CPZ: variants seen among roughly 807,000 people sequenced by gnomAD.
The protein encoded by CPZ is VEZT/CPZ fusion.
A neutral mutation model predicts 61.8 loss-of-function variants in CPZ; 103 were observed. The ratio of observed to expected loss-of-function variants is 1.67; its 90% CI spans 1.42 to 1.96. The LOEUF (loss-of-function observed/expected upper bound fraction) is 1.96, where lower values mean the gene tolerates loss of function less well. CPZ is among the 30% of genes most tolerant of loss of function. CPZ has a pLI of 0.00. For missense variants in CPZ, 1,461 were observed against 914.9 expected, an observed-to-expected ratio of 1.60 and a Z score of -7.70; for synonymous variants, 551 against 373.7, an observed-to-expected ratio of 1.47 and a Z score of -5.47.
At chr4:8,606,670 A>C in intron 5 of CPZ, 67 bp from the exon 6 acceptor site, 1 of 1,594,334 alleles carries the variant, frequency 6.3e-7, no homozygotes, top group Non-Finnish European at 8.6e-7. Context: ...CCAGCGTGAG[A>C]CCCATCTGGA....
At chr4:8,609,217 C>CACTCCCTCACTCACTCACTCATTG (rs1553877680) in intron 7 of CPZ, among the ~76,000 whole-genome samples, 1 of 138,160 alleles carries the variant, frequency 7.2e-6, no homozygotes, top group East Asian at 2.2e-4. Context: ...CTTACTCATT[C>CACTCCCTCACTCACTCACTCATTG]ACTTACTCAC....
At chr4:8,613,802 C>T (rs986999279) in intron 8 of CPZ, among the ~76,000 whole-genome samples, 4 of 152,330 alleles carry the variant, frequency 2.6e-5, no homozygotes, top group Admixed American at 1.3e-4. Flanking sequence ...AGCCTGGGCC[C>T]GTGGTCTCCC....
At chr4:8,610,310 A>C (rs2109335440) in intron 7 of CPZ, among the ~76,000 whole-genome samples, 1 of 152,322 alleles carries the variant, frequency 6.6e-6, no homozygotes, top group East Asian at 1.9e-4. Context: ...CTCCCAGGTC[A>C]GGCCTGTGTT....
At chr4:8,618,561 A>G in intron 10 of CPZ, 33 bp downstream of exon 10, 1 of 1,588,782 alleles carries the variant, frequency 6.3e-7, no homozygotes, top group Non-Finnish European at 8.6e-7. Context: ...CCTGGGGACC[A>G]CGTCTGCCAA....
At chr4:8,614,296 T>C (rs1715970532) in intron 8 of CPZ, 63 bp from the exon 9 acceptor site, 3 of 1,509,008 alleles carry the variant, frequency 2.0e-6, no homozygotes, top group Admixed American at 3.6e-5. Context: ...CTGACACCCC[T>C]GACGTCCCGG....
At chr4:8,611,931 G>A (rs907783742) in intron 7 of CPZ, 96 bp from the exon 8 acceptor site, 4 of 1,554,216 alleles carry the variant, frequency 2.6e-6, no homozygotes, top group Non-Finnish European at 2.6e-6. Context: ...CTGCAATGCA[G>A]GTGTTTGCAC....
At chr4:8,607,162 A>G in intron 6 of CPZ, 105 bp from the exon 7 acceptor site, 2 of 1,357,930 alleles carry the variant, frequency 1.5e-6, no homozygotes, top group South Asian at 1.4e-5. Context: ...AGAGACCGTT[A>G]ATAGTCTGCA....
At chr4:8,609,882 G>T (rs1279873915) in intron 7 of CPZ, among the ~76,000 whole-genome samples, 2 of 152,200 alleles carry the variant, frequency 1.3e-5, no homozygotes, top group African/African-American at 2.4e-5. Flanking sequence ...AGCATGAGAG[G>T]GGCTGGCTGG....
intron 8 of CPZ, among the ~76,000 whole-genome samples, 170 bp from the exon 9 acceptor site, chr4:8,614,189 C>T (rs1171982685): frequency 6.6e-6 from 1 of 152,218 alleles, no homozygotes; most frequent in Non-Finnish European, 1.5e-5. Context: ...CGAGTACCTG[C>T]TGCACTCACC....
At chr4:8,603,585 C>G (rs184251874) in intron 3 of CPZ, 6 of 254,142 alleles carry the variant, frequency 2.4e-5, no homozygotes. Context: ...ACTGAACTGC[C>G]TGAGTGCCAC....
intron 7 of CPZ, among the ~76,000 whole-genome samples, chr4:8,608,863 C>G (rs1022471930): frequency 6.6e-6 from 1 of 152,162 alleles, no homozygotes; most frequent in Admixed American, 6.5e-5. Flanking sequence ...TGCAGGGGCC[C>G]ATGCCGAGTG....
intron 7 of CPZ, among the ~76,000 whole-genome samples, chr4:8,611,781 C>T (rs1312913062): frequency 1.3e-5 from 2 of 151,958 alleles, no homozygotes; most frequent in Admixed American, 1.3e-4. Flanking sequence ...GGTGATTACC[C>T]CAGTTACCCA....
chr4:8,594,169 G>C (rs1714005050), intron 1 of CPZ, among the ~76,000 whole-genome samples: 1 of 152,228 alleles, frequency 6.6e-6, no homozygotes, highest in African/African-American at 2.4e-5. Context: ...CGTGGCATCG[G>C]CAAGTGTTTC....
intron 4 of CPZ, among the ~76,000 whole-genome samples, chr4:8,605,733 T>C (rs1218863155): frequency 6.7e-6 from 1 of 149,710 alleles, no homozygotes; most frequent in Non-Finnish European, 1.5e-5. Flanking sequence ...TCAGTTAAAT[T>C]TGCATGAATC....
intron 7 of CPZ, 103 bp from the exon 8 acceptor site, chr4:8,611,924 C>A: frequency 6.6e-7 from 1 of 1,511,684 alleles, no homozygotes; most frequent in Non-Finnish European, 9.1e-7. Context: ...CTCCTATCTG[C>A]AATGCAGGTG....
chr4:8,605,288 G>A (rs1015986989), intron 4 of CPZ, among the ~76,000 whole-genome samples: 16 of 142,636 alleles, frequency 1.1e-4, no homozygotes, highest in Non-Finnish European at 3.0e-5. Context: ...CATGGGGCCT[G>A]GTCCACTCTT....
intron 9 of CPZ, among the ~76,000 whole-genome samples, chr4:8,616,531 C>A (rs1716181529): frequency 6.6e-6 from 1 of 152,138 alleles, no homozygotes; most frequent in African/African-American, 2.4e-5. Context: ...CTGGGGTAGG[C>A]CCCCAGTGTG....
chr4:8,604,328 C>T, intron 4 of CPZ, 140 bp downstream of exon 4: 2 of 722,106 alleles, frequency 2.8e-6, no homozygotes, highest in Admixed American at 3.0e-5. Context: ...TGGTGCAGGC[C>T]ACGTCCCGCT....
At chr4:8,608,140 C>A (rs1452681116) in intron 7 of CPZ, among the ~76,000 whole-genome samples, 2 of 146,302 alleles carry the variant, frequency 1.4e-5, no homozygotes, top group African/African-American at 5.2e-5. Context: ...CAGCCTCCAG[C>A]CCCCAGCCCC....
Sources: gnomAD v4.1 joint callset for allele counts (sites outside exome capture counted in the v4.1 genomes callset) on GRCh38, gnomAD v4.1.1 for gene constraint, MANE v1.5 for transcripts, NCBI Gene and HGNC (gene_info 2026-07-23, HGNC 2026-07-21) for gene names.